ULK1: variants seen among roughly 807,000 people sequenced by gnomAD.
The protein encoded by ULK1 is serine/threonine-protein kinase ULK1.
A neutral mutation model predicts 117.5 loss-of-function variants in ULK1; 48 were observed. The observed-to-expected ratio is 0.41, with a 90% CI of 0.32 to 0.52. The LOEUF is 0.52. ULK1 is among the 20% of genes least tolerant of loss of function. ULK1 has a pLI of 0.29. For synonymous variants in ULK1, 790 were observed against 637.8 expected (o/e 1.24, Z -3.60); for missense variants, 1,387 against 1,473.4 (o/e 0.94, Z 0.96).
chr12:131,919,636 GCC>G, intron 25 of ULK1, 46 bp downstream of exon 25: 1 of 1,590,518 alleles, frequency 6.3e-7, no homozygotes, highest in African/African-American at 1.3e-5. Flanking sequence ...TGGGGAGGAA[GCC>G]CACCTTGCAA....
In ULK1 at chr12:131,919,045, G is replaced by A. The variant is rs558082260; in HGVS notation, c.2512-167G>A. Among the ~76,000 whole-genome samples the A allele has an allele frequency of 3.3e-5, 5 of 150,730 alleles. No individual in the cohort carries two copies. In the East Asian group the frequency reaches 9.9e-4, roughly 30 times the overall value. ...CTGTGTGGGGTGTACGGTGTGTGGG[G>A]TGCAGGGTGTGTGGGGTGTCGGGCG... On this transcript the variant is annotated intron_variant, in intron 23 of 27. Transcript: ENST00000321867.
In ULK1 at chr12:131,902,790, T is replaced by C. The variant is rs1397662645; in HGVS notation, c.247-4102T>C. On this transcript the variant is annotated intron_variant, in intron 3 of 27. Transcript: ENST00000321867. This position sits in a 1 kb window ranked among gnomAD's most constrained non-coding sequence, Gnocchi z 6.3. The stretch of plus-strand genomic sequence containing the variant: ...CCACGGGACGGACCCCCGGACCCTG[T>C]CTTGGGAGGCGAGCTGCTCTGCCTG... Among the ~76,000 whole-genome samples, 1 of 151,998 alleles carries C rather than the reference T, an allele frequency of 6.6e-6. No individual in the cohort carries two copies.
At position 131,915,779 on chromosome 12, in the gene ULK1, A is replaced by C. The variant is rs534538539; in HGVS notation, c.1610-112A>C. The C allele has an allele frequency of 3.0e-4, 429 of 1,449,584 alleles. 1 individual carries two copies. In the African/African-American group the frequency reaches 5.6e-3, roughly 19 times the overall value. 89.8% of individuals were successfully genotyped at this position (1,449,584 alleles called of 1,614,324 possible). A position where few individuals can be genotyped will look rare whatever the true frequency, so the allele number is the denominator to read the frequency against. ...GCGAGACCCCGTCTCAACAAAAGAAAAAGAGTGGGGCCTTGGAGTGCGTCT... is the reference window on the plus strand; with the variant it reads ...GCGAGACCCCGTCTCAACAAAAGAACAAGAGTGGGGCCTTGGAGTGCGTCT... On this transcript the variant is annotated intron_variant, in intron 18 of 27. Coordinates refer to ENST00000321867, the MANE Select transcript of ULK1 (RefSeq NM_003565.4).
At chr12:131,906,863 C>T (rs1465499406) in intron 3 of ULK1, 29 bp from the exon 4 acceptor site, 1 of 1,613,934 alleles carries the variant, frequency 6.2e-7, no homozygotes, top group Non-Finnish European at 8.5e-7. Flanking sequence ...GGCACTGGGA[C>T]CTCTCACAGC....
chr12:131,912,570 C>T (rs1379212287), intron 13 of ULK1, among the ~76,000 whole-genome samples: 1 of 152,134 alleles, frequency 6.6e-6, no homozygotes, highest in Non-Finnish European at 1.5e-5. Flanking sequence ...CTCTGAAGGC[C>T]CTGCACTCTG....
rs774163203 is a variant in ULK1 at position 131,909,228 on chromosome 12, G to A, written c.657G>A (p.Ala219=). The A allele has an allele frequency of 6.3e-7, 1 of 1,598,072 alleles. No individual in the cohort carries two copies. The highest frequency in any genetic ancestry group is 8.5e-7 in the Non-Finnish European group (1 of 1,173,108). Residue 219 remains alanine, a synonymous_variant, in exon 8 of 28, where the codon GCG becomes GCA. Transcript: ENST00000321867. ...TCTACCAGTGCCTGACGGGGAAGGC[G>A]CCCTTCCAGGTAACTGGGCTTGGCC... ...TIVYQCLTGK[A]PFQASSPQDL...
At chr12:131,901,246 C>CCT (rs1306473236) in intron 3 of ULK1, among the ~76,000 whole-genome samples, 2 of 151,724 alleles carry the variant, frequency 1.3e-5, no homozygotes, top group South Asian at 4.2e-4. Flanking sequence ...GTAGTCCCAG[C>CCT]TACTTGTGAG....
chr12:131,917,010 A>C lies in ULK1; in HGVS notation c.2130A>C (p.Gln710His). The change falls in exon 21 of 28, where the codon CAA (glutamine) becomes CAC (histidine). Residue 710 changes from glutamine (Q) to histidine (H), a missense_variant. Physicochemically the swap from Gln to His is conservative, Grantham distance 24. Around this residue, in one of 4 missense-constraint regions of ULK1, gnomAD observed 900 missense variants for 858.9 expected, o/e 1.05. Coordinates refer to ENST00000321867, the MANE Select transcript of ULK1 (RefSeq NM_003565.4). ...TCCTTAAGGCGGCGTTTGGGACACA[A>C]GCCCCGGACCCGGGCAGCACGGAGA... ...DLLLKAAFGT[Q>H]APDPGSTESL... The C allele has an allele frequency of 6.5e-7, 1 of 1,527,086 alleles. No homozygotes were observed. The highest frequency in any genetic ancestry group is 8.9e-7 in the Non-Finnish European group (1 of 1,127,986). The allele number at this position is 1,527,086 out of a possible 1,614,324, so 94.6% of individuals were successfully genotyped here.
chr12:131,918,552 C>T lies in ULK1; in HGVS notation c.2382C>T (p.Cys794=), dbSNP rs1263571364. The T allele has an allele frequency of 6.2e-7, 1 of 1,610,916 alleles. No homozygotes were observed. Among genetic ancestry groups the T allele is most frequent in the Non-Finnish European group, 8.5e-7 (1 of 1,179,262 alleles). Residue 794 remains cysteine, a synonymous_variant, in exon 23 of 28, where the codon TGC becomes TGT. Transcript: ENST00000321867. ...CCCGCCACCTGGTGCCTGGGCCCTGCAGCGAGGCCCCAGCCCCTGAGCTCC... is the reference window on the plus strand; with the variant it reads ...CCCGCCACCTGGTGCCTGGGCCCTGTAGCGAGGCCCCAGCCCCTGAGCTCC... ...SSARHLVPGP[C]SEAPAPELPA...
intron 3 of ULK1, among the ~76,000 whole-genome samples, chr12:131,906,156 C>T (rs940024887): frequency 6.6e-6 from 1 of 152,046 alleles, no homozygotes; most frequent in African/African-American, 2.4e-5. Context: ...TGCAGTGGCA[C>T]AGTCTCGGCT....
At position 131,913,842 on chromosome 12, in the gene ULK1, C is replaced by A; in HGVS notation, c.1247+6C>A. The A allele has an allele frequency of 1.3e-6, 2 of 1,517,988 alleles. No homozygotes were observed. Among genetic ancestry groups the A allele is most frequent in the South Asian group, 1.3e-5 (1 of 78,246 alleles). The allele number at this position is 1,517,988 out of a possible 1,614,324, so 94.0% of individuals were successfully genotyped here. On this transcript the variant is annotated splice_donor_region_variant and intron_variant, in intron 15 of 27. Transcript: ENST00000321867. ...AGCTCCCCCAGTCCCTCAGGGTAAG[C>A]AGGGCCCCAGGCTGGGTGGATGGGG...
At chr12:131,897,503 C>T (rs142694238) in intron 3 of ULK1, 1 of 152,276 alleles carries the variant, frequency 6.6e-6, no homozygotes, top group African/African-American at 2.4e-5. Flanking sequence ...ACCCACCTCT[C>T]TGCGCCGTGA....
chr12:131,910,614 G>T, intron 11 of ULK1, 98 bp from the exon 12 acceptor site: 1 of 1,610,010 alleles, frequency 6.2e-7, no homozygotes, highest in Admixed American at 1.7e-5. Context: ...GCCGGAAGTG[G>T]AGGGGATATG....
At chr12:131,910,333 C>T (rs1889479576) in intron 11 of ULK1, 29 bp downstream of exon 11, 8 of 1,613,196 alleles carry the variant, frequency 5.0e-6, no homozygotes, top group Non-Finnish European at 5.9e-6. Flanking sequence ...TGGGGCTCCG[C>T]ATGGGCCCTG....
intron 8 of ULK1, among the ~76,000 whole-genome samples, 179 bp downstream of exon 8, chr12:131,909,416 C>T (rs896494804): frequency 6.6e-6 from 1 of 152,154 alleles, no homozygotes; most frequent in Non-Finnish European, 1.5e-5. Flanking sequence ...CCAGGGAGGG[C>T]GGCGCCGCCG....
At chr12:131,905,568 G>C (rs1889241694) in intron 3 of ULK1, among the ~76,000 whole-genome samples, 1 of 152,184 alleles carries the variant, frequency 6.6e-6, no homozygotes, top group African/African-American at 2.4e-5. Context: ...GATGTGTACA[G>C]GGCAGAGGGA....
Position 131,909,984 on chromosome 12 carries a change from A to G in ULK1, c.791A>G (p.Lys264Arg). 6.2e-7 allele frequency: 1 copy of G among 1,612,032 alleles called. No individual in the cohort carries two copies. Among genetic ancestry groups the G allele is most frequent in the Non-Finnish European group, 8.5e-7 (1 of 1,179,838 alleles). ...CTGGCCCTACTGCAACGCAACCACA[A>G]GGACCGCATGGACTTCGGTGAGCAC... ...LLLALLQRNH[K>R]DRMDFDEFFH... Residue 264 changes from lysine to arginine, a missense_variant, in exon 10 of 28, where the codon AAG becomes AGG. Around this residue, in one of 4 missense-constraint regions of ULK1, gnomAD observed 260 missense variants for 271.6 expected, o/e 0.96. Coordinates refer to ENST00000321867, the MANE Select transcript of ULK1 (RefSeq NM_003565.4).
At chr12:131,916,699 G>A (rs1889804850) in intron 20 of ULK1, 108 bp downstream of exon 20, 3 of 1,346,534 alleles carry the variant, frequency 2.2e-6, no homozygotes, top group South Asian at 3.1e-5. Flanking sequence ...GCCCAGCCTT[G>A]CCCTTCTGTG....
At chr12:131,919,175 G>A (rs752238537) in intron 23 of ULK1, 37 bp from the exon 24 acceptor site, 54 of 1,565,466 alleles carry the variant, frequency 3.4e-5, no homozygotes, top group African/African-American at 5.4e-5. Flanking sequence ...TTCCAAGCCC[G>A]GGCAGCACTT....
Sources: allele counts gnomAD v4.1 joint callset (sites outside exome capture counted in the v4.1 genomes callset), GRCh38; gene constraint gnomAD v4.1.1; regional missense constraint gnomAD v4.1.1; non-coding constraint Gnocchi (gnomAD v3.1); transcripts MANE v1.5; gene names NCBI Gene and HGNC (gene_info 2026-07-23, HGNC 2026-07-21).